UVRAG: variants seen among roughly 807,000 people sequenced by gnomAD.
UVRAG encodes the protein UV radiation resistance-associated gene protein.
Under a neutral mutation model 78.0 loss-of-function variants are expected in UVRAG, and 19 were observed. That is an observed-to-expected ratio of 0.24 (90% CI 0.17 to 0.36). The LOEUF is 0.36. Among genes scored for constraint, UVRAG ranks in the 10% least tolerant of loss-of-function variants. UVRAG has a pLI of 1.00. For synonymous variants in UVRAG, 323 were observed against 324.6 expected, an observed-to-expected ratio of 1.00 and a Z score of 0.05; for missense variants, 740 against 853.8, an observed-to-expected ratio of 0.87 and a Z score of 1.66.
rs553600088 is a variant in UVRAG at position 75,820,376 on chromosome 11, A to T, written c.117+4852A>T. On this transcript the variant is annotated intron_variant, in intron 1 of 14. Coordinates refer to ENST00000356136, the MANE Select transcript of UVRAG (RefSeq NM_003369.4). ...CTTATTCTTTTTTTTTTTTTTTGAG[A>T]CGGAGTCTCACTCTGTCACCCAAGC... Among the ~76,000 whole-genome samples, 422 of 142,740 alleles carry T rather than the reference A, an allele frequency of 3.0e-3. 1 individual carries two copies. The highest frequency in any genetic ancestry group is 4.9e-3 in the Non-Finnish European group (325 of 65,664). 93.6% of individuals were successfully genotyped at this position (142,740 alleles called of 152,430 possible). A position where few individuals can be genotyped will look rare whatever the true frequency, so the allele number is the denominator to read the frequency against.
chr11:75,877,791 C>T (rs1946833723), intron 3 of UVRAG, among the ~76,000 whole-genome samples: 1 of 141,172 alleles, frequency 7.1e-6, no homozygotes, highest in Admixed American at 6.8e-5. Context: ...AGGGGCTCCT[C>T]ACTTCCCAGT....
chr11:76,047,015 T>G (rs1950771455), intron 12 of UVRAG, among the ~76,000 whole-genome samples: 1 of 152,242 alleles, frequency 6.6e-6, no homozygotes, highest in Non-Finnish European at 1.5e-5. Context: ...GCTTCATTTG[T>G]ACAAAGTCTT....
chr11:76,046,181 A>G (rs907724756), intron 12 of UVRAG, among the ~76,000 whole-genome samples: 1 of 152,248 alleles, frequency 6.6e-6, no homozygotes, highest in Non-Finnish European at 1.5e-5. Context: ...GGTAGAAAAA[A>G]GACTTTTCAG....
intron 6 of UVRAG, among the ~76,000 whole-genome samples, chr11:75,946,579 G>T (rs954759962): frequency 2.0e-5 from 3 of 152,200 alleles, no homozygotes; most frequent in Admixed American, 6.5e-5. Context: ...TGTCAGCTGC[G>T]CTGTGTTCTT....
At chr11:76,029,076 A>G (rs1950386971) in intron 12 of UVRAG, among the ~76,000 whole-genome samples, 1 of 152,174 alleles carries the variant, frequency 6.6e-6, no homozygotes, top group Admixed American at 6.5e-5. Flanking sequence ...CATTCTGAAA[A>G]TCCTGGGGCC....
At chr11:75,994,068 A>C (rs1461252265) in intron 8 of UVRAG, among the ~76,000 whole-genome samples, 2 of 152,182 alleles carry the variant, frequency 1.3e-5, no homozygotes, top group African/African-American at 4.8e-5. Context: ...TCCAACATTG[A>C]GGATCACATT....
chr11:76,044,692 T>A (rs1202306132), intron 12 of UVRAG, among the ~76,000 whole-genome samples: 1 of 152,034 alleles, frequency 6.6e-6, no homozygotes, highest in East Asian at 1.9e-4. Context: ...GAGAATTGCT[T>A]GAACCTGGGA....
chr11:75,994,103 C>T (rs768103206), intron 8 of UVRAG, among the ~76,000 whole-genome samples: 2 of 152,194 alleles, frequency 1.3e-5, no homozygotes, highest in Non-Finnish European at 2.9e-5. Context: ...GAGGAGCACA[C>T]GTCCATACCA....
chr11:76,003,909 T>C (rs1949871577), intron 8 of UVRAG, 96 bp from the exon 9 acceptor site: 1 of 1,140,110 alleles, frequency 8.8e-7, no homozygotes, highest in Admixed American at 1.8e-5. Context: ...CTCTTTTTAT[T>C]TCCCTCTCAC....
intron 12 of UVRAG, among the ~76,000 whole-genome samples, chr11:76,021,638 G>T (rs1012283099): frequency 6.6e-6 from 1 of 151,978 alleles, no homozygotes; most frequent in Non-Finnish European, 1.5e-5. Flanking sequence ...TAATGTCAGT[G>T]TTTACACCTA....
At chr11:75,851,804 A>G in intron 1 of UVRAG, 79 bp from the exon 2 acceptor site, 1 of 1,091,036 alleles carries the variant, frequency 9.2e-7, no homozygotes, top group Non-Finnish European at 1.4e-6. Flanking sequence ...ATTACATTTC[A>G]TTTTTGAACT....
intron 6 of UVRAG, among the ~76,000 whole-genome samples, chr11:75,921,216 G>T (rs1947972963): frequency 6.6e-6 from 1 of 152,116 alleles, no homozygotes; most frequent in East Asian, 1.9e-4. Flanking sequence ...TTCTGTGCTG[G>T]CAATGGCCAT....
intron 12 of UVRAG, among the ~76,000 whole-genome samples, chr11:76,024,502 A>G (rs564572116): frequency 7.9e-5 from 12 of 152,126 alleles, no homozygotes; most frequent in Non-Finnish European, 1.5e-4. Flanking sequence ...ATTTTGATAT[A>G]TACATTTTGG....
At chr11:75,893,186 A>T (rs1392152779) in intron 5 of UVRAG, among the ~76,000 whole-genome samples, 1 of 152,030 alleles carries the variant, frequency 6.6e-6, no homozygotes, top group African/African-American at 2.4e-5. Flanking sequence ...CAAAAAAAAA[A>T]AGAAAAAAAG....
intron 7 of UVRAG, among the ~76,000 whole-genome samples, chr11:75,979,352 G>A (rs891745012): frequency 2.6e-5 from 4 of 152,202 alleles, no homozygotes; most frequent in South Asian, 2.1e-4. Context: ...CAGTCTGTCC[G>A]TTCCCATATC....
At chr11:75,934,794 T>C (rs995265203) in intron 6 of UVRAG, 1 of 152,194 alleles carries the variant, frequency 6.6e-6, no homozygotes, top group African/African-American at 2.4e-5. Flanking sequence ...TTTACTCTTA[T>C]TTTGTGTGTC....
At chr11:75,970,161 A>G (rs1949096937) in intron 7 of UVRAG, among the ~76,000 whole-genome samples, 1 of 152,218 alleles carries the variant, frequency 6.6e-6, no homozygotes, top group African/African-American at 2.4e-5. Context: ...AGGCACAGAC[A>G]TATTCATTTT....
At chr11:75,920,848 T>G (rs1947966413) in intron 6 of UVRAG, among the ~76,000 whole-genome samples, 1 of 152,230 alleles carries the variant, frequency 6.6e-6, no homozygotes. Context: ...CATACTTGGG[T>G]TTCTTGTTCA....
intron 13 of UVRAG, among the ~76,000 whole-genome samples, chr11:76,077,360 C>T (rs1951422855): frequency 6.6e-6 from 1 of 151,990 alleles, no homozygotes; most frequent in African/African-American, 2.4e-5. Context: ...CCATCATTAG[C>T]TATTAACCAA....
Sources: allele counts gnomAD v4.1 joint callset (sites outside exome capture counted in the v4.1 genomes callset), GRCh38; gene constraint gnomAD v4.1.1; transcripts MANE v1.5; gene names NCBI Gene and HGNC (gene_info 2026-07-23, HGNC 2026-07-21).